RFTN1: variants seen among roughly 807,000 people sequenced by gnomAD.
The protein encoded by RFTN1 is raftlin.
A neutral mutation model predicts 46.5 loss-of-function variants in RFTN1; 26 were observed. The ratio of observed to expected loss-of-function variants is 0.56; its 90% CI spans 0.41 to 0.78. The LOEUF (loss-of-function observed/expected upper bound fraction) is 0.78, where lower values mean the gene tolerates loss of function less well. Ranked by LOEUF, RFTN1 falls within the 30% of genes least tolerant of loss-of-function variation. RFTN1 has a pLI of 0.00. For synonymous variants in RFTN1, 261 were observed against 284.2 expected, an observed-to-expected ratio of 0.92 and a Z score of 0.82; for missense variants, 693 against 718.7, an observed-to-expected ratio of 0.96 and a Z score of 0.41.
At position 16,428,020 on chromosome 3, in the gene RFTN1, A is replaced by G. The variant is rs2075317282; in HGVS notation, c.332+5831T>C. On this transcript the variant is annotated intron_variant, in intron 3 of 9. Transcript: ENST00000334133. This position sits in a 1 kb window ranked among gnomAD's most constrained non-coding sequence, Gnocchi z 4.7. ...CTGGGCAATTATATAATTTGCACAT[A>G]TATTTTGCAGCTCCCTAGTAGATAG... Among the ~76,000 whole-genome samples the G allele has an allele frequency of 6.8e-6, 1 of 146,222 alleles. No individual in the cohort carries two copies. The highest frequency in any genetic ancestry group is 2.6e-5 in the African/African-American group (1 of 38,290).
At chr3:16,432,043 T>A (rs1004423767) in intron 3 of RFTN1, among the ~76,000 whole-genome samples, 1 of 152,202 alleles carries the variant, frequency 6.6e-6, no homozygotes, top group Non-Finnish European at 1.5e-5. Flanking sequence ...TGACACTTAT[T>A]TCATAGCCAT....
intron 7 of RFTN1, chr3:16,347,898 A>G (rs1320514213): frequency 6.6e-6 from 1 of 152,236 alleles, no homozygotes; most frequent in Non-Finnish European, 1.5e-5. Context: ...CGTGCAAGTA[A>G]CTTATTAAGG....
At chr3:16,471,597 C>T (rs536437666) in intron 2 of RFTN1, among the ~76,000 whole-genome samples, 73 of 152,194 alleles carry the variant, frequency 4.8e-4, no homozygotes, top group Non-Finnish European at 9.7e-4. Flanking sequence ...AATTACAGAA[C>T]AGGGAGTAGA....
At position 16,466,227 on chromosome 3, in the gene RFTN1, T is replaced by C. The variant is rs1453280855; in HGVS notation, c.145+27498A>G. Among the ~76,000 whole-genome samples, 1 of 152,166 alleles carries C rather than the reference T, an allele frequency of 6.6e-6. No homozygotes were observed. The highest frequency in any genetic ancestry group is 1.5e-5 in the Non-Finnish European group (1 of 68,026). ...TCTTGCAACAAAGAACACTTTTAACTTGCATCGTCCTCTCATCCCAGCTTG... is the reference window on the plus strand; with the variant it reads ...TCTTGCAACAAAGAACACTTTTAACCTGCATCGTCCTCTCATCCCAGCTTG... On this transcript the variant is annotated intron_variant, in intron 2 of 9. Coordinates refer to ENST00000334133, the MANE Select transcript of RFTN1 (RefSeq NM_015150.2). This position sits in a 1 kb window ranked among gnomAD's most constrained non-coding sequence, Gnocchi z 5.6.
intron 7 of RFTN1, chr3:16,349,763 GAA>G (rs2071967749): frequency 2.0e-5 from 3 of 152,242 alleles, no homozygotes. Flanking sequence ...ATTCTCCTGA[GAA>G]AGAGAATCAG....
At chr3:16,508,259 C>A (rs1050665399) in intron 1 of RFTN1, among the ~76,000 whole-genome samples, 2 of 152,184 alleles carry the variant, frequency 1.3e-5, no homozygotes, top group East Asian at 1.9e-4. Context: ...AAGCTGCCAG[C>A]CTTCTCCATC....
At chr3:16,398,244 C>CAAAAAAAAAAAAAAAAAAAAAAAA (rs202032095) in intron 4 of RFTN1, among the ~76,000 whole-genome samples, 2 of 110,946 alleles carry the variant, frequency 1.8e-5, no homozygotes, top group Middle Eastern at 5.6e-3. Flanking sequence ...AAGACTGTCT[C>CAAAAAAAAAAAAAAAAAAAAAAAA]AAAAAAAAAA....
intron 5 of RFTN1, among the ~76,000 whole-genome samples, chr3:16,375,945 G>T (rs1456342413): frequency 6.6e-6 from 1 of 152,190 alleles, no homozygotes; most frequent in Non-Finnish European, 1.5e-5. Context: ...AAGGTGAGTG[G>T]CCACGGGGTA....
Position 16,387,195 on chromosome 3 carries a change from C to T in RFTN1, c.442-9093G>A, listed in dbSNP as rs770989004. The stretch of plus-strand genomic sequence containing the variant: ...TCTGTCTGACACATCCCACAAATGT[C>T]GCATCCATCCAGTCCACCCAGGGCC... On this transcript the variant is annotated intron_variant, in intron 4 of 9. Transcript: ENST00000334133. This position sits in a 1 kb window ranked among gnomAD's most constrained non-coding sequence, Gnocchi z 5.2. 2.6e-5 allele frequency among the ~76,000 whole-genome samples: 4 copies of T among 152,184 alleles called. No homozygotes were observed. The highest frequency in any genetic ancestry group is 5.9e-5 in the Non-Finnish European group (4 of 68,024).
In RFTN1 at chr3:16,317,045, T is replaced by C. The variant is rs138078234; in HGVS notation, c.1520A>G (p.Glu507Gly). The C allele has an allele frequency of 3.4e-4, 547 of 1,613,628 alleles. 1 individual carries two copies. In the African/African-American group the frequency reaches 6.8e-3, roughly 20 times the overall value. ...GQQQEGGVSEEMKGPVQEDKG... is the reference protein window; with the variant it reads ...GQQQEGGVSEGMKGPVQEDKG... ...GTCCTCTTGGACAGGGCCCTTCATC[T>C]CCTCGGAGACTCCACCCTCCTGCTG... The change falls in exon 10 of 10, where the codon GAG becomes GGG. Residue 507 changes from glutamate to glycine, a missense_variant. Coordinates refer to ENST00000334133, the MANE Select transcript of RFTN1 (RefSeq NM_015150.2). This position sits in a 1 kb window ranked among gnomAD's most constrained non-coding sequence, Gnocchi z 4.3.
chr3:16,356,118 C>T lies in RFTN1; in HGVS notation c.1146+1814G>A, dbSNP rs553093598. Among the ~76,000 whole-genome samples, 22 of 152,330 alleles carry T rather than the reference C, an allele frequency of 1.4e-4. No individual in the cohort carries two copies. Among genetic ancestry groups the T allele is most frequent in the African/African-American group, 4.3e-4 (18 of 41,566 alleles). ...CACCTGGAGCCTTCACTCCACCACA[C>T]GTGATGGGCCATGTGACCTGCCCAG... On this transcript the variant is annotated intron_variant, in intron 7 of 9. Transcript: ENST00000334133. This position sits in a 1 kb window ranked among gnomAD's most constrained non-coding sequence, Gnocchi z 4.9.
At chr3:16,397,678 T>G (rs1337044923) in intron 4 of RFTN1, among the ~76,000 whole-genome samples, 1 of 152,088 alleles carries the variant, frequency 6.6e-6, no homozygotes, top group East Asian at 1.9e-4. Context: ...CTACCTGTGA[T>G]TTTTCCATGG....
intron 4 of RFTN1, among the ~76,000 whole-genome samples, chr3:16,390,515 A>G (rs1365982021): frequency 6.6e-6 from 1 of 151,984 alleles, no homozygotes; most frequent in East Asian, 1.9e-4. Context: ...AGCTTACATT[A>G]TTAATTGGTT....
At chr3:16,417,747 A>G (rs2075111063) in intron 3 of RFTN1, among the ~76,000 whole-genome samples, 1 of 152,220 alleles carries the variant, frequency 6.6e-6, no homozygotes, top group African/African-American at 2.4e-5. Context: ...CTGAAACCAA[A>G]GCACATAATC....
chr3:16,367,586 G>C (rs964577696), intron 6 of RFTN1, among the ~76,000 whole-genome samples: 1 of 152,160 alleles, frequency 6.6e-6, no homozygotes, highest in African/African-American at 2.4e-5. Context: ...TCACGGTTGC[G>C]CTTGCCAGGG....
rs1038802744 is a variant in RFTN1 at position 16,350,630 on chromosome 3, G to A, written c.1146+7302C>T. Among the ~76,000 whole-genome samples the A allele has an allele frequency of 6.6e-5, 10 of 152,092 alleles. No homozygotes were observed. In the East Asian group the frequency reaches 1.9e-3, roughly 29 times the overall value. On this transcript the variant is annotated intron_variant, in intron 7 of 9. Transcript: ENST00000334133. Reference sequence around the variant, plus strand: ...GAAGGCGCTGCTAAAGTAGATCTGAGGCTATTCTGACTTCCTCGTTACTCA... The same window carrying A: ...GAAGGCGCTGCTAAAGTAGATCTGAAGCTATTCTGACTTCCTCGTTACTCA...
rs1177995420 is a variant in RFTN1, at chr3:16,512,327, C to T, written c.-9+1115G>A. ...AAGATGCCTAGTCTAGTTGAGCGCC[C>T]AGCTCCTGAAACAGCTGTACCGACT... On this transcript the variant is annotated intron_variant, in intron 1 of 9. Coordinates refer to ENST00000334133, the MANE Select transcript of RFTN1 (RefSeq NM_015150.2). This position sits in a 1 kb window ranked among gnomAD's most constrained non-coding sequence, Gnocchi z 4.3. Among the ~76,000 whole-genome samples, 1 of 152,122 alleles carries T rather than the reference C, an allele frequency of 6.6e-6. No homozygotes were observed. The highest frequency in any genetic ancestry group is 1.5e-5 in the Non-Finnish European group (1 of 68,024).
intron 6 of RFTN1, among the ~76,000 whole-genome samples, chr3:16,369,228 T>C (rs1256048735): frequency 6.6e-6 from 1 of 152,266 alleles, no homozygotes; most frequent in Non-Finnish European, 1.5e-5. Flanking sequence ...CAAACTCTGT[T>C]CGTGACTCTG....
intron 2 of RFTN1, among the ~76,000 whole-genome samples, chr3:16,469,774 C>T (rs1441039934): frequency 6.6e-6 from 1 of 152,212 alleles, no homozygotes; most frequent in South Asian, 2.1e-4. Flanking sequence ...CCTTGCACAA[C>T]AGCACTGACT....
Sources: allele counts gnomAD v4.1 joint callset (sites outside exome capture counted in the v4.1 genomes callset), GRCh38; gene constraint gnomAD v4.1.1; non-coding constraint Gnocchi (gnomAD v3.1); transcripts MANE v1.5; gene names NCBI Gene and HGNC (gene_info 2026-07-23, HGNC 2026-07-21).